The following MARCHF1 variants were observed in gnomAD, a reference collection of about 807,000 sequenced individuals.
MARCHF1 encodes membrane associated ring-CH-type finger 1, also known as E3 ubiquitin-protein ligase MARCHF1.
Under a neutral mutation model 54.2 loss-of-function variants are expected in MARCHF1, and 40 were observed. The ratio of observed to expected loss-of-function variants is 0.74; its 90% confidence interval spans 0.57 to 0.96. The LOEUF (loss-of-function observed/expected upper bound fraction) is 0.96. Ranked by LOEUF, MARCHF1 falls within the 40% of genes least tolerant of loss-of-function variation. The pLI is 0.00. For missense variants in MARCHF1, 586 were observed against 656.5 expected (o/e 0.89, Z 1.17); for synonymous variants, 236 against 236.3 (o/e 1.00, Z 0.01).
At chr4:164,160,352 T>C (rs1174725267) in intron 1 of MARCHF1, among the ~76,000 whole-genome samples, 3 of 152,140 alleles carry the variant, frequency 2.0e-5, no homozygotes, top group African/African-American at 7.2e-5. Context: ...TACTGAATGC[T>C]ATAGGCAACT....
chr4:164,107,142 C>T (rs535167402), intron 2 of MARCHF1, among the ~76,000 whole-genome samples: 29 of 152,208 alleles, frequency 1.9e-4, no homozygotes, highest in African/African-American at 6.0e-4. Context: ...TAACTCTCTC[C>T]AACACGTTTT....
At chr4:164,213,162 T>G (rs1178525171) in intron 1 of MARCHF1, among the ~76,000 whole-genome samples, 1 of 151,184 alleles carries the variant, frequency 6.6e-6, no homozygotes, top group Non-Finnish European at 1.5e-5. Context: ...TTAGATAAAT[T>G]TTCAATAATG....
rs1320559758 is a variant in MARCHF1, at chr4:164,349,245, T to G, written c.-323+34625A>C. On this transcript the variant is annotated intron_variant, in intron 1 of 9. Transcript: ENST00000514618. ...AAAACGACACAAATGAATTGAAAGT[T>G]AATTCTACTTCTCAAAGTGCTATGA... Among the ~76,000 whole-genome samples the G allele has an allele frequency of 2.0e-5, 3 of 152,186 alleles. No homozygotes were observed. The East Asian group carries it at 5.8e-4, about 29-fold the overall frequency.
chr4:163,894,297 G>T (rs1370619512), intron 3 of MARCHF1, among the ~76,000 whole-genome samples: 1 of 151,908 alleles, frequency 6.6e-6, no homozygotes, highest in Non-Finnish European at 1.5e-5. Context: ...TATTGCAGTG[G>T]TCTATTTACT....
chr4:163,847,629 G>A (rs1006782101), intron 4 of MARCHF1, among the ~76,000 whole-genome samples: 6 of 116,712 alleles, frequency 5.1e-5, no homozygotes, highest in Non-Finnish European at 8.0e-5. Flanking sequence ...CACCCAGGCT[G>A]GAGTGCAGTG....
At chr4:164,006,817 T>C (rs1052155393) in intron 2 of MARCHF1, among the ~76,000 whole-genome samples, 1 of 151,534 alleles carries the variant, frequency 6.6e-6, no homozygotes, top group Admixed American at 6.6e-5. Context: ...GAGTGGAACA[T>C]TTACGTAGTA....
chr4:163,884,040 T>C (rs1442183228), intron 3 of MARCHF1, among the ~76,000 whole-genome samples: 1 of 152,160 alleles, frequency 6.6e-6, no homozygotes, highest in Non-Finnish European at 1.5e-5. Context: ...TGGTGTAAGA[T>C]AAAGAAATTC....
In MARCHF1 at chr4:163,770,280, T is replaced by A. The variant is rs367742902; in HGVS notation, c.112-69417A>T. On this transcript the variant is annotated intron_variant, in intron 4 of 9. Coordinates refer to ENST00000514618, the MANE Select transcript of MARCHF1 (RefSeq NM_001394959.1). ...TTCCACATTGTTCAAGAGTCAATTG[T>A]ATATTTAAAATCCTCCCTTAAGTGA... 5.2e-4 allele frequency among the ~76,000 whole-genome samples: 79 copies of A among 152,234 alleles called. No individual in the cohort carries two copies. The South Asian group carries it at 0.015, about 30-fold the overall frequency.
At chr4:164,189,122 G>C (rs1160363313) in intron 1 of MARCHF1, 2 of 652,302 alleles carry the variant, frequency 3.1e-6, no homozygotes, top group Non-Finnish European at 5.6e-6. Flanking sequence ...GCCACTAATG[G>C]AGATACTCAT....
chr4:163,887,058 A>G (rs1750553877), intron 3 of MARCHF1, among the ~76,000 whole-genome samples: 1 of 152,098 alleles, frequency 6.6e-6, no homozygotes, highest in African/African-American at 2.4e-5. Flanking sequence ...TAATCAACAT[A>G]TATTTATTGA....
chr4:164,122,040 T>G (rs1756077916), intron 1 of MARCHF1, among the ~76,000 whole-genome samples: 1 of 152,080 alleles, frequency 6.6e-6, no homozygotes, highest in South Asian at 2.1e-4. Context: ...TGGTTCAACA[T>G]ACACAAATCA....
intron 1 of MARCHF1, among the ~76,000 whole-genome samples, chr4:164,272,776 T>C (rs1733774410): frequency 6.6e-6 from 1 of 151,892 alleles, no homozygotes; most frequent in African/African-American, 2.4e-5. Context: ...ATTTTCTATG[T>C]ATTGAATGTA....
chr4:163,848,655 T>C (rs1749554096), intron 4 of MARCHF1, among the ~76,000 whole-genome samples: 1 of 152,266 alleles, frequency 6.6e-6, no homozygotes, highest in Non-Finnish European at 1.5e-5. Context: ...AAAATTGTGT[T>C]ACACTAAATT....
chr4:163,894,703 A>T (rs1381931546), intron 3 of MARCHF1, among the ~76,000 whole-genome samples: 1 of 33,722 alleles, frequency 3.0e-5, no homozygotes, highest in Admixed American at 2.7e-4. Context: ...ATATATATGC[A>T]TGTGATGCAT....
At chr4:163,554,270 C>T (rs529032944) in intron 8 of MARCHF1, among the ~76,000 whole-genome samples, 7 of 152,244 alleles carry the variant, frequency 4.6e-5, no homozygotes, top group Middle Eastern at 3.4e-3. Context: ...GTGAGGAATA[C>T]GCCACTAAGA....
chr4:164,357,119 GAAA>G (rs56965170), intron 1 of MARCHF1, among the ~76,000 whole-genome samples: 211 of 147,820 alleles, frequency 1.4e-3, no homozygotes, highest in African/African-American at 5.1e-3. Context: ...TTTTTTTTAA[GAAA>G]AAAAAAAATA....
At chr4:163,813,677 T>A (rs1748455445) in intron 4 of MARCHF1, among the ~76,000 whole-genome samples, 2 of 152,092 alleles carry the variant, frequency 1.3e-5, no homozygotes, top group Non-Finnish European at 2.9e-5. Flanking sequence ...AACTATAAAG[T>A]GAAGAAATGA....
At chr4:163,557,132 T>C (rs775895686) in intron 8 of MARCHF1, among the ~76,000 whole-genome samples, 5 of 152,104 alleles carry the variant, frequency 3.3e-5, no homozygotes, top group Non-Finnish European at 2.9e-5. Flanking sequence ...GAAATGAAAC[T>C]TGTGGTTCAG....
chr4:163,731,751 A>G (rs190767943), intron 4 of MARCHF1, among the ~76,000 whole-genome samples: 55 of 152,350 alleles, frequency 3.6e-4, no homozygotes, highest in African/African-American at 1.1e-3. Context: ...TAGATATCAC[A>G]CAAAGCCAGG....
Sources: gnomAD v4.1 joint callset for allele counts (sites outside exome capture counted in the v4.1 genomes callset) on GRCh38, gnomAD v4.1.1 for gene constraint, MANE v1.5 for transcripts, NCBI Gene and HGNC (gene_info 2026-07-23, HGNC 2026-07-21) for gene names.